Variants in GLG1 observed in about 807,000 individuals in gnomAD.
The protein encoded by GLG1 is Golgi apparatus protein 1.
In GLG1, 38 loss-of-function variants were observed where a neutral mutation model predicts 160.5. The observed-to-expected ratio is 0.24, with a 90% CI of 0.18 to 0.31. The LOEUF is 0.31. Ranked by LOEUF, GLG1 falls within the 10% of genes least tolerant of loss-of-function variation. The pLI is 1.00. For missense variants in GLG1, 1,373 were observed against 1,505.2 expected, an observed-to-expected ratio of 0.91 and a Z score of 1.45; for synonymous variants, 644 against 543.4, an observed-to-expected ratio of 1.19 and a Z score of -2.57.
rs773515478 is a variant in GLG1, at chr16:74,448,918, C to G, written c.*4249G>C. ...GAGATGGAGACCATCCTGGACAACA[C>G]GGTGAAACCCCGTCTCTACTAAAAA... On this transcript the variant is annotated 3_prime_UTR_variant, in exon 26 of 26. Transcript: ENST00000422840. The G allele has an allele frequency of 6.6e-6, 1 of 151,908 alleles. No homozygotes were observed. Among genetic ancestry groups the G allele is most frequent in the East Asian group, 1.9e-4 (1 of 5,140 alleles). The allele number at this position is 151,908 out of a possible 1,614,324, so 9.4% of individuals were successfully genotyped here.
intron 1 of GLG1, among the ~76,000 whole-genome samples, chr16:74,595,159 G>C (rs1338635481): frequency 3.3e-5 from 5 of 151,170 alleles, no homozygotes; most frequent in Non-Finnish European, 7.4e-5. Flanking sequence ...CTGCAATCTA[G>C]CCTGGGCAAC....
chr16:74,454,623 AC>A (rs1373860720), intron 25 of GLG1, among the ~76,000 whole-genome samples: 1 of 131,438 alleles, frequency 7.6e-6, no homozygotes, highest in African/African-American at 2.9e-5. Context: ...CCAAGACTGC[AC>A]TACTGGACTC....
intron 9 of GLG1, among the ~76,000 whole-genome samples, chr16:74,484,449 C>T (rs981314253): frequency 2.0e-5 from 3 of 151,874 alleles, no homozygotes; most frequent in Admixed American, 6.6e-5. Context: ...TACAGGTATG[C>T]GCCACCAACA....
At chr16:74,503,312 A>G (rs1383217314) in intron 4 of GLG1, among the ~76,000 whole-genome samples, 1 of 152,176 alleles carries the variant, frequency 6.6e-6, no homozygotes, top group Non-Finnish European at 1.5e-5. Context: ...CTTTGCAGGT[A>G]TTAATTCCTC....
chr16:74,592,784 CTTATT>C (rs1389593481), intron 1 of GLG1, among the ~76,000 whole-genome samples: 1 of 152,138 alleles, frequency 6.6e-6, no homozygotes, highest in Non-Finnish European at 1.5e-5. Context: ...CTTCTCTCTT[CTTATT>C]TTATTTCATA....
chr16:74,549,715 T>A (rs2018146430), intron 1 of GLG1, among the ~76,000 whole-genome samples: 1 of 151,992 alleles, frequency 6.6e-6, no homozygotes, highest in South Asian at 2.1e-4. Context: ...GAGAATTTGC[T>A]AATTTTATAT....
At chr16:74,467,140 CT>C (rs1262436856) in intron 18 of GLG1, among the ~76,000 whole-genome samples, 147 of 152,268 alleles carry the variant, frequency 9.7e-4, no homozygotes, top group East Asian at 3.7e-3. Flanking sequence ...AGCAATGAGA[CT>C]TATATTGACA....
intron 2 of GLG1, among the ~76,000 whole-genome samples, chr16:74,520,624 G>A (rs1567499934): frequency 6.6e-6 from 1 of 152,092 alleles, no homozygotes. Flanking sequence ...CAACAAGAGC[G>A]AAACTCCATC....
At chr16:74,602,325 G>C (rs1316334285) in intron 1 of GLG1, among the ~76,000 whole-genome samples, 1 of 152,052 alleles carries the variant, frequency 6.6e-6, no homozygotes, top group Non-Finnish European at 1.5e-5. Flanking sequence ...TTTAGTGTCA[G>C]AATTACTTGC....
chr16:74,597,260 G>A (rs143857637), intron 1 of GLG1, among the ~76,000 whole-genome samples: 3 of 151,068 alleles, frequency 2.0e-5, no homozygotes, highest in Middle Eastern at 3.5e-3. Context: ...GCGAAACCCC[G>A]TCTCTAGTAA....
At chr16:74,594,179 T>A (rs1046535647) in intron 1 of GLG1, among the ~76,000 whole-genome samples, 3 of 152,202 alleles carry the variant, frequency 2.0e-5, no homozygotes, top group Non-Finnish European at 4.4e-5. Flanking sequence ...AGTGCTAGGA[T>A]TACAGGTGTG....
At chr16:74,508,069 G>C (rs11648868) in intron 3 of GLG1, among the ~76,000 whole-genome samples, 7 of 151,830 alleles carry the variant, frequency 4.6e-5, no homozygotes, top group Non-Finnish European at 8.8e-5. Context: ...GGTTCTACGA[G>C]TCCCCATAAT....
intron 1 of GLG1, among the ~76,000 whole-genome samples, chr16:74,573,629 T>C (rs2018902290): frequency 6.8e-6 from 1 of 146,704 alleles, no homozygotes; most frequent in Admixed American, 6.9e-5. Flanking sequence ...TCTCACCCTG[T>C]TGCCCAGGCT....
rs2017571458 is a variant in GLG1, at chr16:74,532,555, ACT to A, written c.439-404_439-403del. Among the ~76,000 whole-genome samples, 5 of 152,092 alleles carry A rather than the reference ACT, an allele frequency of 3.3e-5. No individual in the cohort carries two copies. The South Asian group carries it at 1.0e-3, about 32-fold the overall frequency. On this transcript the variant is annotated intron_variant, in intron 1 of 25. Coordinates refer to ENST00000422840, the MANE Select transcript of GLG1 (RefSeq NM_001145667.2). ...TTTATTTTTTTTGAGACAGGGTCTC[ACT>A]CTGTCACCCAGGCTGCCATGCAGTG...
rs1597240519 is a variant in GLG1, at chr16:74,474,572, C to T, written c.2026G>A (p.Gly676Ser). ...TCTGATTCTAACTCAGTGAGGTTGC[C>T]AACTATATCTCTACACTCCACCACC... ...DLVVECRDIV[G>S]NLTELESEDI... The change falls in exon 13 of 26, where the codon GGC becomes AGC. Residue 676 changes from glycine (G) to serine (S), a missense_variant. Coordinates refer to ENST00000422840, the MANE Select transcript of GLG1 (RefSeq NM_001145667.2). 2 of 1,570,530 alleles carry T rather than the reference C, an allele frequency of 1.3e-6. No individual in the cohort carries two copies. The highest frequency in any genetic ancestry group is 1.8e-6 in the Non-Finnish European group (2 of 1,140,310).
chr16:74,524,689 T>A (rs189166507), intron 2 of GLG1, among the ~76,000 whole-genome samples: 1 of 152,216 alleles, frequency 6.6e-6, no homozygotes, highest in South Asian at 2.1e-4. Flanking sequence ...GAATTAATAT[T>A]TGAAGCTGTA....
intron 1 of GLG1, among the ~76,000 whole-genome samples, chr16:74,597,298 G>A (rs1385652756): frequency 7.3e-5 from 11 of 151,044 alleles, no homozygotes; most frequent in African/African-American, 2.4e-4. Flanking sequence ...GGGCGTGGTG[G>A]GGTGCGCCTA....
At chr16:74,464,289 G>A (rs746729541) in intron 19 of GLG1, among the ~76,000 whole-genome samples, 14 of 152,120 alleles carry the variant, frequency 9.2e-5, no homozygotes, top group Non-Finnish European at 2.1e-4. Context: ...CCCAACTCTA[G>A]TGGGGAAACC....
At chr16:74,604,859 G>A (rs1222834926) in intron 1 of GLG1, among the ~76,000 whole-genome samples, 1 of 152,154 alleles carries the variant, frequency 6.6e-6, no homozygotes, top group Non-Finnish European at 1.5e-5. Flanking sequence ...GACCATCCTG[G>A]CCAACATGGT....
Sources: allele counts gnomAD v4.1 joint callset (sites outside exome capture counted in the v4.1 genomes callset), GRCh38; gene constraint gnomAD v4.1.1; transcripts MANE v1.5; gene names NCBI Gene and HGNC (gene_info 2026-07-23, HGNC 2026-07-21).